Variants in BARD1 observed in about 807,000 individuals in gnomAD.
BARD1 encodes BRCA1 associated RING domain 1, also known as BRCA1-associated RING domain protein 1.
A neutral mutation model predicts 77.0 loss-of-function variants in BARD1; 73 were observed. That is an observed-to-expected ratio of 0.95 (90% confidence interval 0.79 to 1.15). The LOEUF is 1.15. Among genes scored for constraint, BARD1 ranks in the 50% most tolerant of loss-of-function variants. BARD1 has a pLI of 0.00. For synonymous variants in BARD1, 384 were observed against 338.0 expected (o/e 1.14, Z -1.49); for missense variants, 993 against 938.8 (o/e 1.06, Z -0.75).
chr2:214,745,532 C>T (rs1693061361), intron 8 of BARD1, among the ~76,000 whole-genome samples, 190 bp downstream of exon 8: 2 of 152,184 alleles, frequency 1.3e-5, no homozygotes, highest in African/African-American at 4.8e-5. Flanking sequence ...TTAAACTTTA[C>T]ATTTCCTAAC....
chr2:214,754,435 T>C (rs1693602633), intron 6 of BARD1, among the ~76,000 whole-genome samples: 1 of 151,772 alleles, frequency 6.6e-6, no homozygotes, highest in African/African-American at 2.4e-5. Context: ...AAATAAAATC[T>C]AAGAGCCCAA....
chr2:214,802,474 T>C (rs779722395), intron 1 of BARD1, among the ~76,000 whole-genome samples: 4 of 152,212 alleles, frequency 2.6e-5, no homozygotes, highest in South Asian at 2.1e-4. Context: ...CATAACCCCA[T>C]CTCAAGTTCA....
chr2:214,779,358 T>A (rs552051988), intron 4 of BARD1, among the ~76,000 whole-genome samples: 96 of 152,332 alleles, frequency 6.3e-4, no homozygotes, highest in African/African-American at 1.8e-3. Flanking sequence ...ACAATATAAA[T>A]GCTATGTAGA....
chr2:214,781,644 G>T, intron 3 of BARD1, 135 bp from the exon 4 acceptor site: 1 of 692,578 alleles, frequency 1.4e-6, no homozygotes. Flanking sequence ...AGCTCCTAGA[G>T]TGTGAACTCT....
chr2:214,751,146 TATA>T (rs1559393297), intron 7 of BARD1, among the ~76,000 whole-genome samples: 30 of 42,854 alleles, frequency 7.0e-4, no homozygotes, highest in African/African-American at 1.1e-3. Context: ...TATATATATA[TATA>T]TATTTTTTTT....
Position 214,728,735 on chromosome 2 carries a change from G to C in BARD1, c.2275C>G (p.Pro759Ala), listed in dbSNP as rs1318628468. 3.1e-6 allele frequency: 5 copies of C among 1,614,164 alleles called. No homozygotes were observed. In the South Asian group the frequency reaches 5.5e-5, roughly 18 times the overall value. The change falls in exon 11 of 11, where the codon CCT becomes GCT. Residue 759 changes from proline to alanine, a missense_variant. Physicochemically the swap from Pro to Ala is conservative, Grantham distance 27 (BLOSUM62 -1). Transcript: ENST00000260947. ...ACACAGTCTATAAACCAGCTCGAAG[G>C]AGCCTTCCAGACTTTGCCCTGCCGA... ...RVRQGKVWKA[P>A]SSWFIDCVMS...
Position 214,728,906 on chromosome 2 carries a change from T to A in BARD1, c.2104A>T (p.Ile702Phe). 6.2e-7 allele frequency: 1 copy of A among 1,614,202 alleles called. No individual in the cohort carries two copies. Among genetic ancestry groups the A allele is most frequent in the Non-Finnish European group, 8.5e-7 (1 of 1,180,028 alleles). The change falls in exon 11 of 11, where the codon ATC becomes TTC. Residue 702 changes from isoleucine to phenylalanine, a missense_variant. Ile to Phe is a conservative substitution (Grantham distance 21). Coordinates refer to ENST00000260947, the MANE Select transcript of BARD1 (RefSeq NM_000465.4). The stretch of plus-strand genomic sequence containing the variant: ...TCTGGCTTGGGCTTTCTACTGAGGA[T>A]CTGGCCCCCACCTGCAGTGACGAGC... ...IKLVTAGGGQ[I>F]LSRKPKPDSD...
At chr2:214,791,639 A>T (rs893229302) in intron 3 of BARD1, among the ~76,000 whole-genome samples, 1 of 152,198 alleles carries the variant, frequency 6.6e-6, no homozygotes, top group African/African-American at 2.4e-5. Context: ...CCCCCACTTA[A>T]ATAGAAAAGA....
At chr2:214,807,157 C>T (rs1351222382) in intron 1 of BARD1, among the ~76,000 whole-genome samples, 1 of 151,938 alleles carries the variant, frequency 6.6e-6, no homozygotes, top group Non-Finnish European at 1.5e-5. Context: ...TTGCAGACCC[C>T]TACATGAAAA....
chr2:214,809,632 C>T lies in BARD1; in HGVS notation c.-63G>A. 1 of 1,515,542 alleles carries T rather than the reference C, an allele frequency of 6.6e-7. No individual in the cohort carries two copies. The allele number at this position is 1,515,542 out of a possible 1,614,324, so 93.9% of individuals were successfully genotyped here. Reference sequence around the variant, plus strand: ...GAAGCAAGGAAGCCTCGGGAAACCACAGGGAAGCTGCAGGCCAGCGACTCG... The same window carrying T: ...GAAGCAAGGAAGCCTCGGGAAACCATAGGGAAGCTGCAGGCCAGCGACTCG... On this transcript the variant is annotated 5_prime_UTR_variant, in exon 1 of 11. In the 5' UTR this introduces an upstream ATG that the reference lacks. Transcript: ENST00000260947.
chr2:214,765,750 G>A lies in BARD1; in HGVS notation c.1568+1732C>T, dbSNP rs180781470. ...GAGACACACACAAACACGCACGTGT[G>A]TACACACACACACACACACAAATAA... On this transcript the variant is annotated intron_variant, in intron 6 of 10. Transcript: ENST00000260947. 2.0e-3 allele frequency among the ~76,000 whole-genome samples: 304 copies of A among 151,726 alleles called. 2 individuals are homozygous for A. The highest frequency in any genetic ancestry group is 7.0e-3 in the African/African-American group (289 of 41,404).
rs59249038 is a variant in BARD1 at position 214,769,514 on chromosome 2, G to A, written c.1315-202C>T. 0.18 allele frequency among the ~76,000 whole-genome samples: 26,979 copies of A among 152,132 alleles called. 2,656 individuals carry two copies. The highest frequency in any genetic ancestry group is 0.26 in the African/African-American group (10,850 of 41,466). On this transcript the variant is annotated intron_variant, in intron 4 of 10. Transcript: ENST00000260947. ...CCCAACACTTTGAGAGGCCAAGGTG[G>A]GTGGATCACCTGAGGTCAGGAGTTT...
At chr2:214,792,574 C>T in intron 2 of BARD1, 129 bp from the exon 3 acceptor site, 1 of 896,146 alleles carries the variant, frequency 1.1e-6, no homozygotes, top group Non-Finnish European at 1.6e-6. Context: ...ATTGTAATAT[C>T]CTTGTTGAAT....
intron 9 of BARD1, among the ~76,000 whole-genome samples, chr2:214,739,184 T>C (rs1220237322): frequency 6.6e-6 from 1 of 152,054 alleles, no homozygotes; most frequent in African/African-American, 2.4e-5. Flanking sequence ...AATGGCTATT[T>C]GTAACTGAAA....
chr2:214,780,111 G>A (rs990017463), intron 4 of BARD1, among the ~76,000 whole-genome samples: 7 of 152,166 alleles, frequency 4.6e-5, no homozygotes, highest in Non-Finnish European at 7.3e-5. Flanking sequence ...AAATGTCCCG[G>A]TCATTGGAGA....
Position 214,726,820 on chromosome 2 carries a change from GA to G in BARD1, c.*1855del. 1 of 228,022 alleles carries G rather than the reference GA, an allele frequency of 4.4e-6. No homozygotes were observed. Among genetic ancestry groups the G allele is most frequent in the Non-Finnish European group, 8.7e-6 (1 of 114,812 alleles). The allele number at this position is 228,022 out of a possible 1,614,324, so 14.1% of individuals were successfully genotyped here. On this transcript the variant is annotated 3_prime_UTR_variant, in exon 11 of 11. Transcript: ENST00000260947. ...AAGATGAAACTGCTTAACAGTCAGG[GA>G]AAAACAACAAAAAGAAGGGAGGGGT...
At chr2:214,743,084 T>C (rs539109625) in intron 9 of BARD1, among the ~76,000 whole-genome samples, 38 of 152,310 alleles carry the variant, frequency 2.5e-4, no homozygotes, top group African/African-American at 8.7e-4. Context: ...GACTAATTAA[T>C]AGGGATTGAT....
At chr2:214,804,372 C>A (rs1696170221) in intron 1 of BARD1, among the ~76,000 whole-genome samples, 1 of 152,190 alleles carries the variant, frequency 6.6e-6, no homozygotes, top group Non-Finnish European at 1.5e-5. Context: ...CACTAAGAAA[C>A]TATGTGTCTG....
intron 6 of BARD1, among the ~76,000 whole-genome samples, chr2:214,766,727 T>C (rs947646606): frequency 6.6e-6 from 1 of 152,230 alleles, no homozygotes; most frequent in Non-Finnish European, 1.5e-5. Flanking sequence ...TCCAGATTAC[T>C]TGTAATACCT....
Sources: gnomAD v4.1 joint callset for allele counts (sites outside exome capture counted in the v4.1 genomes callset) on GRCh38, gnomAD v4.1.1 for gene constraint, MANE v1.5 for transcripts, NCBI Gene and HGNC (gene_info 2026-07-23, HGNC 2026-07-21) for gene names.